The following FRMD4B variants were observed in gnomAD, a reference collection of about 807,000 sequenced individuals.
FRMD4B encodes the protein FERM domain containing 4B.
A neutral mutation model predicts 141.5 loss-of-function variants in FRMD4B; 74 were observed. That is an observed-to-expected ratio of 0.52 (90% CI 0.43 to 0.63). The LOEUF is 0.63. Ranked by LOEUF, FRMD4B falls within the 30% of genes least tolerant of loss-of-function variation. FRMD4B has a pLI of 0.00. For synonymous variants in FRMD4B, 506 were observed against 467.9 expected (o/e 1.08, Z -1.05); for missense variants, 1,366 against 1,253.4 (o/e 1.09, Z -1.36).
chr3:69,400,776 T>G (rs1704550443), intron 2 of FRMD4B, among the ~76,000 whole-genome samples: 2 of 152,360 alleles, frequency 1.3e-5, no homozygotes, highest in South Asian at 4.1e-4. Context: ...TTGGTCCTCC[T>G]AAGTGGCTTA....
At chr3:69,327,185 T>C (rs1189140779) in intron 1 of FRMD4B, among the ~76,000 whole-genome samples, 2 of 152,142 alleles carry the variant, frequency 1.3e-5, no homozygotes, top group African/African-American at 4.8e-5. Flanking sequence ...CACCCTGTGG[T>C]TTGGAAACTT....
At chr3:69,493,685 T>TTCTCTC (rs138039931) in intron 1 of FRMD4B, among the ~76,000 whole-genome samples, 1 of 151,418 alleles carries the variant, frequency 6.6e-6, no homozygotes, top group Non-Finnish European at 1.5e-5. Context: ...TTCTTTAGAA[T>TTCTCTC]TCTCTCTCTC....
chr3:69,377,128 T>A (rs1344810851), intron 1 of FRMD4B: 1 of 152,166 alleles, frequency 6.6e-6, no homozygotes, highest in Non-Finnish European at 1.5e-5. Flanking sequence ...AGCTAAAAAA[T>A]TAAGATAAAA....
chr3:69,245,834 G>GTTTTT (rs1183774603), intron 7 of FRMD4B, among the ~76,000 whole-genome samples: 1,102 of 78,312 alleles, frequency 0.014, 58 homozygotes, highest in East Asian at 0.036. Flanking sequence ...AGGCTAATTT[G>GTTTTT]TTTTTTTTTT....
At chr3:69,484,988 C>A (rs1017987600) in intron 1 of FRMD4B, among the ~76,000 whole-genome samples, 1 of 152,172 alleles carries the variant, frequency 6.6e-6, no homozygotes, top group Non-Finnish European at 1.5e-5. Context: ...TGGGCCCCCC[C>A]ACCTTCTGCC....
Position 69,344,106 on chromosome 3 carries a change from T to A in FRMD4B, c.163-30589A>T, listed in dbSNP as rs1702847083. Among the ~76,000 whole-genome samples the A allele has an allele frequency of 2.0e-5, 3 of 152,192 alleles. 1 individual carries two copies. The highest frequency in any genetic ancestry group is 6.3e-3 in the Middle Eastern group (2 of 316). ...GGAATCCAAGGGCCAGTGTCAAATTTCAATCTAAGAGCTGCATCCATTGCC... is the reference window on the plus strand; with the variant it reads ...GGAATCCAAGGGCCAGTGTCAAATTACAATCTAAGAGCTGCATCCATTGCC... On this transcript the variant is annotated intron_variant, in intron 1 of 22. Coordinates refer to ENST00000398540, the MANE Select transcript of FRMD4B (RefSeq NM_015123.3).
chr3:69,363,900 T>C (rs1389751994), intron 1 of FRMD4B, among the ~76,000 whole-genome samples: 1 of 152,178 alleles, frequency 6.6e-6, no homozygotes, highest in Non-Finnish European at 1.5e-5. Context: ...AGAGACAATT[T>C]GGTGATCACC....
intron 2 of FRMD4B, among the ~76,000 whole-genome samples, chr3:69,416,620 G>A (rs1349956368): frequency 2.6e-5 from 4 of 152,064 alleles, no homozygotes; most frequent in African/African-American, 9.7e-5. Flanking sequence ...TGCCATGGTG[G>A]TTTGCTGCAC....
At chr3:69,279,931 C>T (rs1039128350) in intron 5 of FRMD4B, among the ~76,000 whole-genome samples, 1 of 151,916 alleles carries the variant, frequency 6.6e-6, no homozygotes, top group African/African-American at 2.4e-5. Flanking sequence ...TATTTATATA[C>T]ACATCAAAAG....
rs200491804 is a variant in FRMD4B, at chr3:69,193,628, A to G, written c.1714+20T>C. The G allele has an allele frequency of 3.8e-5, 57 of 1,498,614 alleles. 2 individuals are homozygous for G. The South Asian group carries it at 5.8e-4, about 15-fold the overall frequency. 92.8% of individuals were successfully genotyped at this position (1,498,614 alleles called of 1,614,324 possible). A position where few individuals can be genotyped will look rare whatever the true frequency, so the allele number is the denominator to read the frequency against. ...TACTGAGTAGGGGACTCAAAAAAAA[A>G]AACCTTACTTATTACTAACCTGGTA... On this transcript the variant is annotated intron_variant, in intron 17 of 22. Transcript: ENST00000398540.
chr3:69,388,238 C>T (rs1295891163), upstream of FRMD4B, among the ~76,000 whole-genome samples: 7 of 152,178 alleles, frequency 4.6e-5, no homozygotes, highest in Non-Finnish European at 8.8e-5. Flanking sequence ...TGGCTGTTAG[C>T]TATCTGTGCG....
intron 2 of FRMD4B, among the ~76,000 whole-genome samples, chr3:69,414,192 T>C (rs1704810241): frequency 6.6e-6 from 1 of 151,920 alleles, no homozygotes; most frequent in African/African-American, 2.4e-5. Context: ...CTGAATAAAA[T>C]CATAAGAGCT....
Position 69,249,959 on chromosome 3 carries a change from A to G in FRMD4B, c.558+84T>C, listed in dbSNP as rs910213973. On this transcript the variant is annotated intron_variant, in intron 6 of 22. Transcript: ENST00000398540. Reference sequence around the variant, plus strand: ...TTAAAAATCCAACAAACACTGGCCCATGCAAAAGTTTCAGAGTTGCAGGCA... The same window carrying G: ...TTAAAAATCCAACAAACACTGGCCCGTGCAAAAGTTTCAGAGTTGCAGGCA... 7 of 871,040 alleles carry G rather than the reference A, an allele frequency of 8.0e-6. No individual in the cohort carries two copies. In the African/African-American group the frequency reaches 8.3e-5, roughly 10 times the overall value. 54.0% of individuals were successfully genotyped at this position (871,040 alleles called of 1,614,324 possible). A position where few individuals can be genotyped will look rare whatever the true frequency, so the allele number is the denominator to read the frequency against.
intron 5 of FRMD4B, among the ~76,000 whole-genome samples, chr3:69,255,737 G>C (rs1313657474): frequency 6.6e-6 from 1 of 152,016 alleles, no homozygotes; most frequent in African/African-American, 2.4e-5. Context: ...ACTGCTCCAA[G>C]GACCCACTCC....
intron 1 of FRMD4B, among the ~76,000 whole-genome samples, chr3:69,464,812 C>G (rs1385979535): frequency 6.6e-6 from 1 of 152,160 alleles, no homozygotes; most frequent in African/African-American, 2.4e-5. Context: ...CAACTACCAA[C>G]AAGCATCAAA....
chr3:69,228,825 T>A (rs1236725780), intron 7 of FRMD4B, among the ~76,000 whole-genome samples: 1 of 145,268 alleles, frequency 6.9e-6, no homozygotes. Flanking sequence ...CAGAGTGAGA[T>A]TCTCTTATTT....
chr3:69,439,502 G>A (rs545748216), intron 1 of FRMD4B, among the ~76,000 whole-genome samples: 2 of 152,310 alleles, frequency 1.3e-5, no homozygotes, highest in South Asian at 4.2e-4. Flanking sequence ...GTGAGATGGG[G>A]ATGGAATGGG....
chr3:69,195,003 T>C lies in FRMD4B; in HGVS notation c.1488+19A>G. On this transcript the variant is annotated intron_variant, in intron 16 of 22. Transcript: ENST00000398540. ...CCTGTCTTATGATTAATTGAAAGGC[T>C]CAGAGGCGTTGTTCATACTTCTTCA... 1.2e-6 allele frequency: 2 copies of C among 1,608,628 alleles called. No individual in the cohort carries two copies. Among genetic ancestry groups the C allele is most frequent in the Non-Finnish European group, 1.7e-6 (2 of 1,176,482 alleles).
intron 7 of FRMD4B, chr3:69,228,581 T>A: frequency 2.4e-6 from 1 of 421,522 alleles, no homozygotes; most frequent in Non-Finnish European, 4.7e-6. Context: ...ATGCCTATAA[T>A]CCCAACACTT....
Sources: allele counts gnomAD v4.1 joint callset (sites outside exome capture counted in the v4.1 genomes callset), GRCh38; gene constraint gnomAD v4.1.1; transcripts MANE v1.5; gene names NCBI Gene and HGNC (gene_info 2026-07-23, HGNC 2026-07-21).